The following SLCO1C1 variants were observed in gnomAD, a reference collection of about 807,000 sequenced individuals.
SLCO1C1 encodes the protein OAT-RP-5.
SLCO1C1 carries 70 observed loss-of-function variants against 76.4 expected under a neutral mutation model. The ratio of observed to expected loss-of-function variants is 0.92; its 90% confidence interval spans 0.76 to 1.12. SLCO1C1 has a LOEUF of 1.12. Among genes scored for constraint, SLCO1C1 ranks in the 50% most tolerant of loss-of-function variants. The pLI is 0.00. For missense variants in SLCO1C1, 912 were observed against 823.8 expected (o/e 1.11, Z -1.31); for synonymous variants, 306 against 286.1 (o/e 1.07, Z -0.70).
At position 20,750,659 on chromosome 12, in the gene SLCO1C1, T is replaced by C. The variant is rs781160289; in HGVS notation, c.1799-16T>C. 5.0e-6 allele frequency: 8 copies of C among 1,609,782 alleles called. No homozygotes were observed. Among genetic ancestry groups the C allele is most frequent in the South Asian group, 1.1e-5 (1 of 90,966 alleles). On this transcript the variant is annotated splice_polypyrimidine_tract_variant and intron_variant, in intron 13 of 14. Transcript: ENST00000266509. ...GTGCATATGTTTTTAACAGCAATTA[T>C]TTGTTTTTCTCACAGCAGGAATCCC...
Position 20,721,827 on chromosome 12 carries a change from G to C in SLCO1C1, c.799G>C (p.Asp267His), listed in dbSNP as rs776575826. 6.2e-7 allele frequency: 1 copy of C among 1,614,068 alleles called. No homozygotes were observed. Residue 267 changes from aspartate (D) to histidine (H), a missense_variant, in exon 8 of 15, where the codon GAT becomes CAT. Physicochemically the swap from Asp to His is moderately conservative, Grantham distance 81 (BLOSUM62 -1). Transcript: ENST00000266509. ...NLDHITITPK[D>H]PQWVGAWWLG... ...AGATCACATAACCATTACCCCAAAA[G>C]ATCCCCAGTGGGTAGGAGCCTGGTG...
chr12:20,712,763 T>C (rs73085058), intron 5 of SLCO1C1, among the ~76,000 whole-genome samples: 2,569 of 152,024 alleles, frequency 0.017, 39 homozygotes, highest in Admixed American at 0.041. Context: ...GCTGTTTGAA[T>C]GAAGGGAGGG....
chr12:20,711,331 A>G, intron 4 of SLCO1C1, 55 bp from the exon 5 acceptor site: 1 of 1,578,522 alleles, frequency 6.3e-7, no homozygotes, highest in Non-Finnish European at 8.6e-7. Flanking sequence ...TACACATAAT[A>G]TTCTTAGTAT....
intron 5 of SLCO1C1, among the ~76,000 whole-genome samples, chr12:20,713,242 G>A (rs1947214283): frequency 6.6e-6 from 1 of 151,652 alleles, no homozygotes; most frequent in Non-Finnish European, 1.5e-5. Context: ...ACCACGCCCG[G>A]CTAATTTTTT....
intron 5 of SLCO1C1, among the ~76,000 whole-genome samples, chr12:20,713,375 G>A (rs1477441080): frequency 1.3e-5 from 2 of 152,138 alleles, no homozygotes; most frequent in Non-Finnish European, 2.9e-5. Flanking sequence ...CACCGCGCCC[G>A]GCCAGATGTT....
At position 20,706,610 on chromosome 12, in the gene SLCO1C1, CTT is replaced by C. The variant is rs768993747; in HGVS notation, c.404+531_404+532del. Among the ~76,000 whole-genome samples the C allele has an allele frequency of 1.5e-4, 23 of 152,240 alleles. 1 individual carries two copies. Among genetic ancestry groups the C allele is most frequent in the Non-Finnish European group, 2.5e-4 (17 of 67,990 alleles). On this transcript the variant is annotated intron_variant, in intron 4 of 14. Transcript: ENST00000266509. ...TACTTTTGTTAATACATGCACATGA[CTT>C]TAGTAGTTCCAAAGATTTTTACCTA...
rs1487967757 is a variant in SLCO1C1 at position 20,716,390 on chromosome 12, TC to T, written c.677-740del. 1.3e-5 allele frequency among the ~76,000 whole-genome samples: 2 copies of T among 152,186 alleles called. 1 individual carries two copies. The highest frequency in any genetic ancestry group is 3.8e-4 in the East Asian group (2 of 5,198). On this transcript the variant is annotated intron_variant, in intron 6 of 14. Transcript: ENST00000266509. ...CAGGGCTTGTTCTCTTTTCCTCTGT[TC>T]CAAAAAGTATCTGGTAACTGCTGTT...
intron 6 of SLCO1C1, among the ~76,000 whole-genome samples, chr12:20,715,566 T>C (rs899787315): frequency 1.3e-4 from 20 of 152,216 alleles, no homozygotes; most frequent in African/African-American, 3.9e-4. Flanking sequence ...CTTCATGGGC[T>C]TCAGATTTCA....
At chr12:20,740,735 T>C (rs1948761689) in intron 12 of SLCO1C1, among the ~76,000 whole-genome samples, 1 of 139,750 alleles carries the variant, frequency 7.2e-6, no homozygotes, top group Admixed American at 7.7e-5. Flanking sequence ...GAAATAGAAT[T>C]TATAAAATAT....
chr12:20,697,569 A>G (rs186954466), intron 1 of SLCO1C1: 15 of 152,210 alleles, frequency 9.9e-5, no homozygotes, highest in Non-Finnish European at 2.2e-4. Context: ...TTAAGGAAGA[A>G]TCTCTATATT....
rs1948903394 is a variant in SLCO1C1, at chr12:20,743,309, A to G, written c.1738A>G (p.Ile580Val). The G allele has an allele frequency of 6.2e-7, 1 of 1,612,532 alleles. No homozygotes were observed. Among genetic ancestry groups the G allele is most frequent in the Non-Finnish European group, 8.5e-7 (1 of 1,179,090 alleles). The change falls in exon 13 of 15, where the codon ATT becomes GTT. Residue 580 changes from isoleucine to valine, a missense_variant. Ile to Val is a conservative substitution (Grantham distance 29, BLOSUM62 3). Transcript: ENST00000266509. ...IPGYILLLRC[I>V]KPQLKSFALG... is the part of the protein sequence containing the mutation. ...TGGTGCTTTTGTTGATTTTAGGTGC[A>G]TTAAGCCACAGCTTAAGTCTTTTGC... is the stretch of plus-strand genomic sequence containing the variant.
rs1948582552 is a variant in SLCO1C1 at position 20,737,109 on chromosome 12, C to A, written c.1385C>A (p.Thr462Asn). The A allele has an allele frequency of 6.6e-7, 1 of 1,512,818 alleles. No individual in the cohort carries two copies. The highest frequency in any genetic ancestry group is 2.6e-5 in the East Asian group (1 of 38,896). The allele number at this position is 1,512,818 out of a possible 1,614,324, so 93.7% of individuals were successfully genotyped here. ...TATATTGTTATATTTCTTTTCAGAA[C>A]CAAACCTGTCTCTTATCATGAACGA... ...VAGLTVSYQG[T>N]KPVSYHERAL... Residue 462 changes from threonine (T) to asparagine (N), a missense_variant and splice_region_variant, in exon 11 of 15, where the codon ACC becomes AAC. Thr to Asn is a moderately conservative substitution (Grantham distance 65). Transcript: ENST00000266509.
chr12:20,699,721 A>G lies in SLCO1C1; in HGVS notation c.129+16A>G, dbSNP rs1321857208. 1 of 1,601,640 alleles carries G rather than the reference A, an allele frequency of 6.2e-7. No individual in the cohort carries two copies. The highest frequency in any genetic ancestry group is 1.4e-5 in the African/African-American group (1 of 73,996). On this transcript the variant is annotated intron_variant, in intron 2 of 14. Coordinates refer to ENST00000266509, the MANE Select transcript of SLCO1C1 (RefSeq NM_017435.5). The stretch of plus-strand genomic sequence containing the variant: ...TGAACTAAAGGTAGAGCAACCAAGA[A>G]GTAAATAGTGTTGATGCTCTTAGTT...
At position 20,734,952 on chromosome 12, in the gene SLCO1C1, A is replaced by G. The variant is rs1037018757; in HGVS notation, c.1382+1848A>G. On this transcript the variant is annotated intron_variant, in intron 10 of 14. Transcript: ENST00000266509. ...TAAGGAAAAGCTCTCATCTTTCAGCATAACTATCTTGAAAGGAAATCTCAT... is the reference window on the plus strand; with the variant it reads ...TAAGGAAAAGCTCTCATCTTTCAGCGTAACTATCTTGAAAGGAAATCTCAT... Among the ~76,000 whole-genome samples the G allele has an allele frequency of 3.9e-5, 6 of 152,318 alleles. 1 individual carries two copies. The South Asian group carries it at 8.3e-4, about 21-fold the overall frequency.
chr12:20,710,271 G>T (rs1440586380), intron 4 of SLCO1C1, among the ~76,000 whole-genome samples: 2 of 140,280 alleles, frequency 1.4e-5, no homozygotes, highest in Non-Finnish European at 3.0e-5. Flanking sequence ...GCAATGGCGC[G>T]ATCTTGGCTC....
intron 13 of SLCO1C1, among the ~76,000 whole-genome samples, chr12:20,744,261 C>A (rs1255990110): frequency 6.6e-6 from 1 of 152,038 alleles, no homozygotes; most frequent in African/African-American, 2.4e-5. Flanking sequence ...AATTGGCCCC[C>A]ATATCTACCT....
chr12:20,702,197 A>G (rs772367794), intron 3 of SLCO1C1, among the ~76,000 whole-genome samples: 3 of 151,986 alleles, frequency 2.0e-5, no homozygotes, highest in Non-Finnish European at 2.9e-5. Flanking sequence ...AGATTCAGAT[A>G]TACACCATAG....
chr12:20,743,423 G>C, intron 13 of SLCO1C1, 54 bp downstream of exon 13: 1 of 1,406,246 alleles, frequency 7.1e-7, no homozygotes, highest in South Asian at 1.2e-5. Context: ...GTATTTTGAA[G>C]ACTTTTCTAA....
Position 20,717,058 on chromosome 12 carries a change from G to A in SLCO1C1, c.677-74G>A, listed in dbSNP as rs916483807. On this transcript the variant is annotated intron_variant, in intron 6 of 14. Transcript: ENST00000266509. ...CTACTGACTGGATCACACATTTCTT[G>A]TTTAAAATTGTATTAATTTATCAAA... 11 of 1,331,304 alleles carry A rather than the reference G, an allele frequency of 8.3e-6. No individual in the cohort carries two copies. In the African/African-American group the frequency reaches 1.7e-4, roughly 20 times the overall value. The allele number at this position is 1,331,304 out of a possible 1,614,324, so 82.5% of individuals were successfully genotyped here.
Sources: gnomAD v4.1 joint callset for allele counts (sites outside exome capture counted in the v4.1 genomes callset) on GRCh38, gnomAD v4.1.1 for gene constraint, MANE v1.5 for transcripts, NCBI Gene and HGNC (gene_info 2026-07-23, HGNC 2026-07-21) for gene names.